The following ST7L variants were observed in gnomAD, a reference collection of about 807,000 sequenced individuals.
The protein encoded by ST7L is suppressor of tumorigenicity 7 protein-like.
ST7L carries 57 observed loss-of-function variants against 72.5 expected under a neutral mutation model. That is an observed-to-expected ratio of 0.79 (90% CI 0.64 to 0.98). The LOEUF (loss-of-function observed/expected upper bound fraction) is 0.98, where lower values mean the gene tolerates loss of function less well. Ranked by LOEUF, ST7L falls within the 50% of genes least tolerant of loss-of-function variation. ST7L has a pLI of 0.00. For missense variants in ST7L, 576 were observed against 672.2 expected, an observed-to-expected ratio of 0.86 and a Z score of 1.58; for synonymous variants, 221 against 240.9, an observed-to-expected ratio of 0.92 and a Z score of 0.77.
intron 11 of ST7L, among the ~76,000 whole-genome samples, chr1:112,573,203 CTGGGTATGG>C (rs1436587832): frequency 6.6e-6 from 1 of 151,902 alleles, no homozygotes; most frequent in African/African-American, 2.4e-5. Context: ...ACAAAATTAG[CTGGGTATGG>C]TGGCGCATGC....
chr1:112,616,949 G>T, intron 1 of ST7L, 54 bp from the exon 2 acceptor site: 1 of 1,243,522 alleles, frequency 8.0e-7, no homozygotes, highest in Non-Finnish European at 1.2e-6. Flanking sequence ...AAAGTACTTA[G>T]GTTACAAATA....
chr1:112,563,974 G>A (rs1293163322), intron 11 of ST7L, among the ~76,000 whole-genome samples: 1 of 152,166 alleles, frequency 6.6e-6, no homozygotes, highest in African/African-American at 2.4e-5. Flanking sequence ...CTGAAATTAA[G>A]GTACTTTGCT....
upstream of ST7L, chr1:112,619,320 A>C (rs1177968867): frequency 1.6e-6 from 1 of 607,302 alleles, no homozygotes; most frequent in Non-Finnish European, 2.9e-6. Flanking sequence ...AGGGGCGGAC[A>C]GCAGCGCCTA....
Position 112,584,355 on chromosome 1 carries a change from T to A in ST7L, c.702-229A>T, listed in dbSNP as rs551408639. The stretch of plus-strand genomic sequence containing the variant: ...TTATCTTTCCCTTCTCTTTGTTTTT[T>A]AAAAAAAAAAAACAAAATTTTTAAA... On this transcript the variant is annotated intron_variant, in intron 6 of 14. Coordinates refer to ENST00000358039, the MANE Select transcript of ST7L (RefSeq NM_017744.5). Among the ~76,000 whole-genome samples, 798 of 146,482 alleles carry A rather than the reference T, an allele frequency of 5.4e-3. 4 individuals are homozygous for A. The highest frequency in any genetic ancestry group is 0.014 in the African/African-American group (579 of 40,040).
In ST7L at chr1:112,525,861, C is replaced by T; in HGVS notation, c.*152G>A. On this transcript the variant is annotated 3_prime_UTR_variant, in exon 15 of 15. Transcript: ENST00000358039. ...CCAAGGGGGGTTTGCCTAGGAATAA[C>T]AATATTCATAAGAAGCTTTTTCATA... The T allele has an allele frequency of 9.3e-7, 1 of 1,075,522 alleles. No homozygotes were observed. The highest frequency in any genetic ancestry group is 1.3e-6 in the Non-Finnish European group (1 of 782,814). The allele number at this position is 1,075,522 out of a possible 1,614,324, so 66.6% of individuals were successfully genotyped here.
intron 11 of ST7L, among the ~76,000 whole-genome samples, chr1:112,557,432 T>C (rs1659386413): frequency 1.3e-5 from 2 of 152,258 alleles, no homozygotes; most frequent in South Asian, 4.1e-4. Flanking sequence ...CATTTCTTCT[T>C]ATGGCTGAAT....
intron 6 of ST7L, among the ~76,000 whole-genome samples, chr1:112,587,244 A>G (rs918725588): frequency 6.6e-6 from 1 of 152,176 alleles, no homozygotes; most frequent in African/African-American, 2.4e-5. Flanking sequence ...GTGGCTATTC[A>G]GTTCTTCCAC....
At chr1:112,540,536 T>C in intron 14 of ST7L, 2 of 985,450 alleles carry the variant, frequency 2.0e-6, no homozygotes, top group Non-Finnish European at 2.4e-6. Context: ...GTCATTCTTC[T>C]TGAAGTTTGA....
intron 14 of ST7L, among the ~76,000 whole-genome samples, chr1:112,535,852 T>G (rs1655123979): frequency 1.3e-5 from 2 of 152,196 alleles, no homozygotes; most frequent in African/African-American, 4.8e-5. Context: ...TGGTTCTTTT[T>G]GAAGCAGAAA....
chr1:112,598,370 G>A (rs1666795031), intron 4 of ST7L, among the ~76,000 whole-genome samples: 1 of 151,850 alleles, frequency 6.6e-6, no homozygotes, highest in African/African-American at 2.4e-5. Context: ...GGAGGCTGAG[G>A]CTGGTGAATG....
At chr1:112,519,386 T>G (rs1310077855), downstream of ST7L, among the ~76,000 whole-genome samples, 1 of 152,196 alleles carries the variant, frequency 6.6e-6, no homozygotes, top group African/African-American at 2.4e-5. Context: ...AGTTAATCTA[T>G]TCTCCGTTTT....
chr1:112,599,073 AATATATAT>A (rs71084479), intron 4 of ST7L, among the ~76,000 whole-genome samples: 2 of 56,994 alleles, frequency 3.5e-5, no homozygotes, highest in African/African-American at 1.4e-4. Context: ...AAAAAAAAAA[AATATATAT>A]ATATATATAT....
intron 3 of ST7L, among the ~76,000 whole-genome samples, chr1:112,610,180 G>A (rs1400706919): frequency 6.6e-6 from 1 of 152,152 alleles, no homozygotes; most frequent in East Asian, 1.9e-4. Context: ...CTTGGCTTCT[G>A]TGGGGTGGAG....
chr1:112,538,272 G>T (rs973468775), intron 14 of ST7L, among the ~76,000 whole-genome samples: 5 of 152,150 alleles, frequency 3.3e-5, no homozygotes, highest in African/African-American at 1.2e-4. Flanking sequence ...AAGGTAGTTT[G>T]CCAGTGCCTA....
chr1:112,542,678 C>A (rs536462728), intron 13 of ST7L, among the ~76,000 whole-genome samples: 3 of 152,038 alleles, frequency 2.0e-5, no homozygotes, highest in Non-Finnish European at 4.4e-5. Context: ...TCACTGGAAC[C>A]CAGGAGTTTG....
intron 6 of ST7L, 89 bp from the exon 7 acceptor site, chr1:112,584,215 C>T (rs1040614349): frequency 2.0e-5 from 26 of 1,330,564 alleles, no homozygotes; most frequent in Middle Eastern, 4.5e-4. Context: ...TGTCATATTT[C>T]CTTACCTACA....
intron 11 of ST7L, among the ~76,000 whole-genome samples, chr1:112,575,108 G>A (rs774913907): frequency 3.9e-5 from 6 of 152,016 alleles, no homozygotes; most frequent in East Asian, 1.9e-4. Flanking sequence ...GCGTGGTGGC[G>A]CGCACCTGTA....
intron 13 of ST7L, among the ~76,000 whole-genome samples, chr1:112,547,365 G>C (rs898033124): frequency 1.3e-4 from 20 of 151,676 alleles, no homozygotes; most frequent in Admixed American, 1.1e-3. Flanking sequence ...GCTAACTTTT[G>C]TATTTTTAGT....
chr1:112,523,409 A>G (rs1652988464), downstream of ST7L: 1 of 152,212 alleles, frequency 6.6e-6, no homozygotes, highest in African/African-American at 2.4e-5. Context: ...CCCAAAAGGA[A>G]TGATGGCCAA....
Sources: gnomAD v4.1 joint callset for allele counts (sites outside exome capture counted in the v4.1 genomes callset) on GRCh38, gnomAD v4.1.1 for gene constraint, MANE v1.5 for transcripts, NCBI Gene and HGNC (gene_info 2026-07-23, HGNC 2026-07-21) for gene names.